UBE3D: variants seen among roughly 807,000 people sequenced by gnomAD.
UBE3D encodes the protein ubiquitin protein ligase E3D.
UBE3D carries 48 observed loss-of-function variants against 49.6 expected under a neutral mutation model. The observed-to-expected ratio is 0.97, with a 90% CI of 0.77 to 1.23. UBE3D has a LOEUF of 1.23. Ranked by LOEUF, UBE3D falls within the 50% of genes most tolerant of loss-of-function variation. The pLI, the probability that UBE3D is intolerant of heterozygous loss-of-function variation, is 0.00. For missense variants in UBE3D, 452 were observed against 468.4 expected, an observed-to-expected ratio of 0.96 and a Z score of 0.32; for synonymous variants, 189 against 174.2, an observed-to-expected ratio of 1.08 and a Z score of -0.67.
intron 1 of UBE3D, among the ~76,000 whole-genome samples, chr6:83,062,013 A>G (rs1784200553): frequency 6.6e-6 from 1 of 152,166 alleles, no homozygotes; most frequent in Non-Finnish European, 1.5e-5. Flanking sequence ...GAAATAAAAG[A>G]TTGTAACTTT....
chr6:82,929,324 G>A (rs181592685), intron 9 of UBE3D, among the ~76,000 whole-genome samples: 48 of 152,004 alleles, frequency 3.2e-4, no homozygotes, highest in African/African-American at 1.1e-3. Context: ...GTGGGGAAAG[G>A]GTCACTTAAT....
At chr6:82,980,520 TTCA>T (rs1778042482) in intron 8 of UBE3D, among the ~76,000 whole-genome samples, 1 of 152,104 alleles carries the variant, frequency 6.6e-6, no homozygotes, top group African/African-American at 2.4e-5. Flanking sequence ...TCTCCCCTTC[TTCA>T]TGTTATCTGT....
At chr6:82,977,046 G>A (rs1028850493) in intron 8 of UBE3D, among the ~76,000 whole-genome samples, 31 of 148,272 alleles carry the variant, frequency 2.1e-4, no homozygotes, top group Admixed American at 3.4e-4. Flanking sequence ...CCCGGGAGGC[G>A]GAGCTTGCAG....
intron 9 of UBE3D, among the ~76,000 whole-genome samples, chr6:82,909,185 G>C (rs1000745783): frequency 2.0e-5 from 3 of 152,178 alleles, no homozygotes; most frequent in Admixed American, 6.5e-5. Context: ...GTTAAAAGTT[G>C]TTCTTCAGTG....
chr6:83,052,015 T>A (rs1324216304), intron 3 of UBE3D, among the ~76,000 whole-genome samples: 3 of 152,228 alleles, frequency 2.0e-5, no homozygotes, highest in Non-Finnish European at 4.4e-5. Context: ...TGCCTGATGC[T>A]GAGGAGGATG....
chr6:82,890,769 G>C (rs1406925579), downstream of UBE3D, among the ~76,000 whole-genome samples: 1 of 152,186 alleles, frequency 6.6e-6, no homozygotes, highest in African/African-American at 2.4e-5. Context: ...GGCAAGGTTA[G>C]AAAATTAGAA....
At chr6:83,063,691 T>C (rs770344079) in intron 1 of UBE3D, among the ~76,000 whole-genome samples, 1 of 152,184 alleles carries the variant, frequency 6.6e-6, no homozygotes, top group East Asian at 1.9e-4. Context: ...GATACTATTT[T>C]ACACACACTA....
At chr6:83,049,073 T>C (rs994168296) in intron 3 of UBE3D, among the ~76,000 whole-genome samples, 5 of 152,172 alleles carry the variant, frequency 3.3e-5, no homozygotes, top group Non-Finnish European at 7.4e-5. Flanking sequence ...ACTTAAAATA[T>C]CCAAATGATA....
Position 83,022,199 on chromosome 6 carries a change from G to A in UBE3D, c.846+254C>T, listed in dbSNP as rs1277649745. Among the ~76,000 whole-genome samples the A allele has an allele frequency of 3.0e-4, 46 of 152,054 alleles. 1 individual carries two copies. The highest frequency in any genetic ancestry group is 3.0e-3 in the Admixed American group (46 of 15,268). ...GGGCCACCATGTCAGGCTAATTTTT[G>A]TATTTTTAGTAGAGATGGGGTTTCC... is the stretch of plus-strand genomic sequence containing the variant. On this transcript the variant is annotated intron_variant, in intron 7 of 9. Transcript: ENST00000369747.
At chr6:82,948,934 TAA>T (rs1037790518) in intron 9 of UBE3D, among the ~76,000 whole-genome samples, 21 of 151,960 alleles carry the variant, frequency 1.4e-4, no homozygotes, top group African/African-American at 5.1e-4. Context: ...GGGGAAAAAC[TAA>T]AAGTCTTTCC....
intron 9 of UBE3D, among the ~76,000 whole-genome samples, chr6:82,929,580 T>C (rs933848990): frequency 2.6e-5 from 4 of 151,436 alleles, no homozygotes; most frequent in Middle Eastern, 6.8e-3. Flanking sequence ...TTTGTTCTGG[T>C]TGGGGGGGTG....
intron 9 of UBE3D, among the ~76,000 whole-genome samples, chr6:82,901,940 A>C (rs1771766371): frequency 6.6e-6 from 1 of 152,196 alleles, no homozygotes; most frequent in Non-Finnish European, 1.5e-5. Flanking sequence ...TAGTCTGTTA[A>C]AAGTTAAGTG....
Position 83,057,733 on chromosome 6 carries a change from C to T in UBE3D, c.274+93G>A, listed in dbSNP as rs1562236163. 3.8e-6 allele frequency: 5 copies of T among 1,304,982 alleles called. No homozygotes were observed. The East Asian group carries it at 1.3e-4, about 33-fold the overall frequency. 80.8% of individuals were successfully genotyped at this position (1,304,982 alleles called of 1,614,324 possible). ...AGACCCTAGAGCTTCTCAACCCCTT[C>T]ACCTGGGAAAAGTTCAACTTATCAA... On this transcript the variant is annotated intron_variant, in intron 2 of 9. Coordinates refer to ENST00000369747, the MANE Select transcript of UBE3D (RefSeq NM_198920.3).
intron 1 of UBE3D, among the ~76,000 whole-genome samples, chr6:83,062,861 T>C (rs1274998635): frequency 6.6e-6 from 1 of 152,140 alleles, no homozygotes; most frequent in Non-Finnish European, 1.5e-5. Context: ...GGTGATAGAA[T>C]AAATGAATAT....
At chr6:82,964,333 T>C (rs574046147) in intron 8 of UBE3D, among the ~76,000 whole-genome samples, 3 of 152,220 alleles carry the variant, frequency 2.0e-5, no homozygotes, top group African/African-American at 7.2e-5. Flanking sequence ...TGGAGGTCGT[T>C]TAATGTAACA....
chr6:82,904,162 G>A, intron 9 of UBE3D, among the ~76,000 whole-genome samples: 1 of 152,274 alleles, frequency 6.6e-6, no homozygotes. Flanking sequence ...AGTTAATGTT[G>A]TTGATAGGTT....
At position 83,065,697 on chromosome 6, in the gene UBE3D, T is replaced by C. The variant is rs1393825099; in HGVS notation, c.22A>G (p.Thr8Ala). 5.6e-6 allele frequency: 9 copies of C among 1,611,290 alleles called. No homozygotes were observed. Among genetic ancestry groups the C allele is most frequent in the Non-Finnish European group, 1.7e-6 (2 of 1,179,108 alleles). ...CCCCGCACCTCCAGAAACACGCGCG[T>C]CTCCGCCGCAGAAGCCGCCATGGCA... is the stretch of plus-strand genomic sequence containing the variant. MAASAAE[T>A]RVFLEVRGQL... Residue 8 changes from threonine (T) to alanine (A), a missense_variant, in exon 1 of 10, where the codon ACG becomes GCG. By Grantham distance (58) the Thr-to-Ala change is moderately conservative (BLOSUM62 0). Coordinates refer to ENST00000369747, the MANE Select transcript of UBE3D (RefSeq NM_198920.3).
At chr6:83,049,811 C>T (rs543358262) in intron 3 of UBE3D, 1 of 470,894 alleles carries the variant, frequency 2.1e-6, no homozygotes, top group East Asian at 6.9e-5. Flanking sequence ...GTTTGGCCAA[C>T]TGATTTCATT....
chr6:83,052,646 TG>T (rs1410114208), intron 3 of UBE3D, among the ~76,000 whole-genome samples: 1 of 152,112 alleles, frequency 6.6e-6, no homozygotes, highest in Non-Finnish European at 1.5e-5. Context: ...AATAATGGCA[TG>T]TTTTTTTGGG....
Sources: gnomAD v4.1 joint callset for allele counts (sites outside exome capture counted in the v4.1 genomes callset) on GRCh38, gnomAD v4.1.1 for gene constraint, MANE v1.5 for transcripts, NCBI Gene and HGNC (gene_info 2026-07-23, HGNC 2026-07-21) for gene names.